CEP112: variants seen among roughly 807,000 people sequenced by gnomAD.
CEP112 encodes centrosomal protein of 112 kDa.
CEP112 carries 127 observed loss-of-function variants against 153.0 expected under a neutral mutation model. That is an observed-to-expected ratio of 0.83 (90% CI 0.72 to 0.96). The LOEUF (loss-of-function observed/expected upper bound fraction) is 0.96. Among genes scored for constraint, CEP112 ranks in the 40% least tolerant of loss-of-function variants. The probability of loss-of-function intolerance (pLI) is 0.00; values close to 1 mark genes in which losing one functional copy is unlikely to be tolerated. For synonymous variants in CEP112, 358 were observed against 374.4 expected (o/e 0.96, Z 0.51); for missense variants, 1,089 against 1,101.2 (o/e 0.99, Z 0.16).
intron 24 of CEP112, among the ~76,000 whole-genome samples, chr17:65,680,531 G>A (rs923262847): frequency 1.3e-5 from 2 of 151,772 alleles, no homozygotes; most frequent in Admixed American, 6.6e-5. Context: ...TTAATTCACC[G>A]AGCACCATTG....
chr17:65,762,896 A>T (rs187358859), intron 21 of CEP112, among the ~76,000 whole-genome samples: 166 of 152,112 alleles, frequency 1.1e-3, no homozygotes, highest in Non-Finnish European at 2.2e-3. Flanking sequence ...ATCTTCACTT[A>T]TTCATTCTCT....
In CEP112 at chr17:65,842,201, GA is replaced by G. The variant is rs887581462; in HGVS notation, c.2394+9602del. ...TTAGAATACTAAAAATTAGGCTACA[GA>G]AGGACAAAGGAGGATTAATCTTGTA... On this transcript the variant is annotated intron_variant, in intron 21 of 26. Transcript: ENST00000535342. Among the ~76,000 whole-genome samples, 118 of 152,122 alleles carry G rather than the reference GA, an allele frequency of 7.8e-4. 1 individual carries two copies. Among genetic ancestry groups the G allele is most frequent in the African/African-American group, 2.6e-3 (107 of 41,546 alleles).
chr17:65,920,368 T>A (rs1340452335), intron 19 of CEP112, among the ~76,000 whole-genome samples: 74 of 48,064 alleles, frequency 1.5e-3, no homozygotes, highest in African/African-American at 7.2e-3. Flanking sequence ...ACAAAATATA[T>A]ATATATATAT....
chr17:66,109,564 G>A (rs1189283434), intron 6 of CEP112, among the ~76,000 whole-genome samples: 1 of 151,614 alleles, frequency 6.6e-6, no homozygotes, highest in African/African-American at 2.4e-5. Context: ...ATAATTCCTA[G>A]ATAAACTGAC....
Position 66,132,750 on chromosome 17 carries a change from T to C in CEP112, c.484A>G (p.Thr162Ala), listed in dbSNP as rs146863856. 58 of 1,613,234 alleles carry C rather than the reference T, an allele frequency of 3.6e-5. No individual in the cohort carries two copies. In the African/African-American group the frequency reaches 6.1e-4, roughly 17 times the overall value. ...PTDVYSREQY[T>A]GKLRVRSHSL... ...TGTGATCTCACTCGGAGCTTCCCAG[T>C]GTACTGTTCCCTGCTAAGAGACCAA... Residue 162 changes from threonine (T) to alanine (A), a missense_variant, in exon 5 of 27, where the codon ACT becomes GCT. Physicochemically the swap from Thr to Ala is moderately conservative, Grantham distance 58 (BLOSUM62 0). Transcript: ENST00000535342.
At chr17:65,854,072 A>C (rs2058052229) in intron 20 of CEP112, among the ~76,000 whole-genome samples, 1 of 152,204 alleles carries the variant, frequency 6.6e-6, no homozygotes, top group South Asian at 2.1e-4. Context: ...CCACTAACAC[A>C]TTAGCCAGCA....
intron 18 of CEP112, among the ~76,000 whole-genome samples, chr17:65,957,158 T>C (rs1272081849): frequency 6.6e-6 from 1 of 152,190 alleles, no homozygotes; most frequent in Admixed American, 6.5e-5. Flanking sequence ...ACTGAAACCA[T>C]GGAAAGTGAA....
At chr17:65,662,728 G>GA (rs1335524612) in intron 24 of CEP112, among the ~76,000 whole-genome samples, 1 of 151,882 alleles carries the variant, frequency 6.6e-6, no homozygotes, top group East Asian at 1.9e-4. Flanking sequence ...TTTACAATTA[G>GA]AAAAAAAATC....
intron 23 of CEP112, among the ~76,000 whole-genome samples, chr17:65,721,740 A>G (rs1429125150): frequency 2.0e-5 from 3 of 152,148 alleles, no homozygotes; most frequent in African/African-American, 7.2e-5. Context: ...TTCCTTTGGA[A>G]CGCTCTTTAA....
At chr17:66,015,825 T>C (rs989429160) in intron 16 of CEP112, among the ~76,000 whole-genome samples, 3 of 152,212 alleles carry the variant, frequency 2.0e-5, no homozygotes, top group Admixed American at 1.3e-4. Context: ...TCTTTAGTTA[T>C]TTTTGTGTTA....
In CEP112 at chr17:65,745,363, C is replaced by G. The variant is rs1306517831; in HGVS notation, c.2458-2146G>C. Among the ~76,000 whole-genome samples, 3 of 152,144 alleles carry G rather than the reference C, an allele frequency of 2.0e-5. No individual in the cohort carries two copies. In the East Asian group the frequency reaches 5.8e-4, roughly 29 times the overall value. ...ATTTTGATTAAATATTGTTTCCATTCTGGCATCAATTCAATTAATTCTCAT... is the reference window on the plus strand; with the variant it reads ...ATTTTGATTAAATATTGTTTCCATTGTGGCATCAATTCAATTAATTCTCAT... On this transcript the variant is annotated intron_variant, in intron 22 of 26. Coordinates refer to ENST00000535342, the MANE Select transcript of CEP112 (RefSeq NM_001199165.4).
chr17:66,134,165 A>C (rs2070329834), intron 4 of CEP112, among the ~76,000 whole-genome samples: 1 of 152,220 alleles, frequency 6.6e-6, no homozygotes, highest in South Asian at 2.1e-4. Flanking sequence ...AAAATTGAAA[A>C]ATGCTTAAAT....
rs1207308975 is a variant in CEP112 at position 65,635,736 on chromosome 17, T to G, written c.*235A>C. On this transcript the variant is annotated 3_prime_UTR_variant, in exon 27 of 27. Transcript: ENST00000535342. ...AAGCAGTTCTCAGCACATACTCAAA[T>G]GCACACAAACATGAAAATCGGAAAT... 1.8e-6 allele frequency: 1 copy of G among 566,120 alleles called. No individual in the cohort carries two copies. Among genetic ancestry groups the G allele is most frequent in the Non-Finnish European group, 3.1e-6 (1 of 323,062 alleles). The allele number at this position is 566,120 out of a possible 1,614,324, so 35.1% of individuals were successfully genotyped here.
intron 23 of CEP112, among the ~76,000 whole-genome samples, chr17:65,726,077 G>A (rs2050163381): frequency 6.6e-6 from 1 of 152,088 alleles, no homozygotes; most frequent in Non-Finnish European, 1.5e-5. Flanking sequence ...ATTATTGGCT[G>A]GGCATGGTGG....
intron 24 of CEP112, among the ~76,000 whole-genome samples, chr17:65,663,467 A>T (rs1029718728): frequency 6.6e-6 from 1 of 152,190 alleles, no homozygotes; most frequent in Admixed American, 6.5e-5. Flanking sequence ...AACCATAAGA[A>T]GTCTGAGAGA....
chr17:66,081,533 T>C (rs1381645858), intron 8 of CEP112, among the ~76,000 whole-genome samples: 2 of 152,138 alleles, frequency 1.3e-5, no homozygotes, highest in African/African-American at 2.4e-5. Context: ...ATAACAGTTC[T>C]GTCATTTATT....
At chr17:66,187,175 ATC>A (rs75462130) in intron 1 of CEP112, among the ~76,000 whole-genome samples, 36,961 of 151,950 alleles carry the variant, frequency 0.24, 4,659 homozygotes, top group Middle Eastern at 0.36. Context: ...CAGCCTCATC[ATC>A]TGTCTCCCTA....
chr17:65,696,323 A>G (rs2095633162), intron 23 of CEP112, among the ~76,000 whole-genome samples: 1 of 152,170 alleles, frequency 6.6e-6, no homozygotes, highest in African/African-American at 2.4e-5. Flanking sequence ...GCCCTGCATG[A>G]TGGGGCAGAG....
chr17:65,681,754 A>G lies in CEP112; in HGVS notation c.2697+7375T>C, dbSNP rs567433651. Among the ~76,000 whole-genome samples, 3 of 148,592 alleles carry G rather than the reference A, an allele frequency of 2.0e-5. No individual in the cohort carries two copies. The Admixed American group carries it at 2.0e-4, about 10-fold the overall frequency. The stretch of plus-strand genomic sequence containing the variant: ...AGTGGTGCAATCTTGGCTCACTGCA[A>G]CCTCTGCCTCCCTGGCTCAAGGGAT... On this transcript the variant is annotated intron_variant, in intron 24 of 26. Coordinates refer to ENST00000535342, the MANE Select transcript of CEP112 (RefSeq NM_001199165.4).
Sources: allele counts gnomAD v4.1 joint callset (sites outside exome capture counted in the v4.1 genomes callset), GRCh38; gene constraint gnomAD v4.1.1; transcripts MANE v1.5; gene names NCBI Gene and HGNC (gene_info 2026-07-23, HGNC 2026-07-21).